ANKRD42: variants seen among roughly 807,000 people sequenced by gnomAD.
The protein encoded by ANKRD42 is ankyrin repeat domain 42, also known as ankyrin repeat domain-containing protein 42.
A neutral mutation model predicts 51.5 loss-of-function variants in ANKRD42; 43 were observed. That is an observed-to-expected ratio of 0.83 (90% CI 0.65 to 1.08). The LOEUF is 1.08. Among genes scored for constraint, ANKRD42 ranks in the 50% least tolerant of loss-of-function variants. ANKRD42 has a pLI of 0.00. For missense variants in ANKRD42, 608 were observed against 629.3 expected, an observed-to-expected ratio of 0.97 and a Z score of 0.36; for synonymous variants, 203 against 213.0, an observed-to-expected ratio of 0.95 and a Z score of 0.41.
intron 5 of ANKRD42, chr11:83,214,475 T>G: frequency 1.0e-6 from 1 of 978,994 alleles, no homozygotes; most frequent in Non-Finnish European, 1.2e-6. Context: ...TCTTTAAACA[T>G]GTATGATTAT....
rs952464006 is a variant in ANKRD42, at chr11:83,237,757, T to A, written c.1019+1248T>A. On this transcript the variant is annotated intron_variant, in intron 8 of 10. Transcript: ENST00000533342. The stretch of plus-strand genomic sequence containing the variant: ...TATAATTGACACACAATAAAATGCA[T>A]ATATTTGTACGGTACAACTGATGAG... Among the ~76,000 whole-genome samples, 19 of 152,334 alleles carry A rather than the reference T, an allele frequency of 1.2e-4. No individual in the cohort carries two copies. The East Asian group carries it at 2.1e-3, about 17-fold the overall frequency.
chr11:83,218,301 T>TAG (rs1565185763), intron 5 of ANKRD42, among the ~76,000 whole-genome samples: 3 of 152,210 alleles, frequency 2.0e-5, no homozygotes, highest in South Asian at 4.1e-4. Context: ...AATGAGGGTC[T>TAG]ACAGTGGGTA....
chr11:83,210,493 C>T (rs1352755393), intron 4 of ANKRD42, 74 bp downstream of exon 4: 10 of 1,539,578 alleles, frequency 6.5e-6, no homozygotes, highest in Non-Finnish European at 8.8e-6. Flanking sequence ...CTAGTTATCT[C>T]TTCCTGACTT....
chr11:83,202,150 A>T (rs1861896800), intron 2 of ANKRD42, among the ~76,000 whole-genome samples: 1 of 152,156 alleles, frequency 6.6e-6, no homozygotes, highest in Non-Finnish European at 1.5e-5. Flanking sequence ...TCTTTAATCC[A>T]TCTTGAATTA....
In ANKRD42 at chr11:83,227,694, G is replaced by A. The variant is rs544836083; in HGVS notation, c.788-53G>A. The A allele has an allele frequency of 1.7e-5, 27 of 1,549,924 alleles. No individual in the cohort carries two copies. In the African/African-American group the frequency reaches 3.3e-4, roughly 19 times the overall value. On this transcript the variant is annotated intron_variant, in intron 6 of 10. Transcript: ENST00000533342. ...TGAAATATATGACAGCTTAAGACAG[G>A]GAAAAGAATAAACTCTTATGTTTAT... is the stretch of plus-strand genomic sequence containing the variant.
chr11:83,263,282 A>T (rs1864039011), downstream of ANKRD42, among the ~76,000 whole-genome samples: 1 of 152,056 alleles, frequency 6.6e-6, no homozygotes, highest in African/African-American at 2.4e-5. Flanking sequence ...GGTGAAGTAT[A>T]CTCTACTTCA....
chr11:83,240,432 T>C (rs1863351994), intron 8 of ANKRD42, among the ~76,000 whole-genome samples: 1 of 152,244 alleles, frequency 6.6e-6, no homozygotes, highest in African/African-American at 2.4e-5. Context: ...AGGGTGGTTC[T>C]GGGCCTTCTA....
At chr11:83,257,147 T>A (rs1420771753), downstream of ANKRD42, 2 of 338,276 alleles carry the variant, frequency 5.9e-6, no homozygotes, top group Non-Finnish European at 1.2e-5. Flanking sequence ...TGAACTGGTT[T>A]CAGCAATCAA....
intron 7 of ANKRD42, 111 bp downstream of exon 7, chr11:83,227,983 C>A: frequency 1.6e-6 from 2 of 1,260,646 alleles, no homozygotes; most frequent in East Asian, 2.4e-5. Flanking sequence ...TTTCTGATAC[C>A]CTAGCAGATA....
chr11:83,251,678 TGAAAA>T (rs1863677719), downstream of ANKRD42, among the ~76,000 whole-genome samples: 1 of 152,198 alleles, frequency 6.6e-6, no homozygotes, highest in South Asian at 2.1e-4. Context: ...AATTTTTCTT[TGAAAA>T]CTTTTGATGA....
At chr11:83,234,501 T>C (rs928822310) in intron 7 of ANKRD42, among the ~76,000 whole-genome samples, 1 of 152,206 alleles carries the variant, frequency 6.6e-6, no homozygotes, top group East Asian at 1.9e-4. Context: ...TTGGTCAAAT[T>C]AGTCACATAT....
Position 83,202,505 on chromosome 11 carries a change from A to G in ANKRD42, c.223-3553A>G, listed in dbSNP as rs907722213. ...TTTGGTTCCATATGAAATTTAAAGTAGTTCTTTCTAATTCTGTGAAGAAAG... is the reference window on the plus strand; with the variant it reads ...TTTGGTTCCATATGAAATTTAAAGTGGTTCTTTCTAATTCTGTGAAGAAAG... On this transcript the variant is annotated intron_variant, in intron 2 of 10. Transcript: ENST00000533342. 2.0e-5 allele frequency among the ~76,000 whole-genome samples: 3 copies of G among 152,230 alleles called. No individual in the cohort carries two copies. The South Asian group carries it at 6.2e-4, about 31-fold the overall frequency.
At position 83,193,728 on chromosome 11, in the gene ANKRD42, A is replaced by G. The variant is rs1003834661; in HGVS notation, c.-943A>G. The G allele has an allele frequency of 2.5e-6, 1 of 402,504 alleles. No homozygotes were observed. Among genetic ancestry groups the G allele is most frequent in the African/African-American group, 2.1e-5 (1 of 47,486 alleles). 24.9% of individuals were successfully genotyped at this position (402,504 alleles called of 1,614,324 possible). On this transcript the variant is annotated 5_prime_UTR_variant, in exon 1 of 11. Transcript: ENST00000533342. ...CGGAAGTGTACTCGTTTCCAAGGCGACGGCCCTGCTGCCTCTCCAGCCAAG... is the reference window on the plus strand; with the variant it reads ...CGGAAGTGTACTCGTTTCCAAGGCGGCGGCCCTGCTGCCTCTCCAGCCAAG...
intron 2 of ANKRD42, 41 bp from the exon 3 acceptor site, chr11:83,206,017 A>AAC: frequency 6.5e-7 from 1 of 1,528,566 alleles, no homozygotes; most frequent in Non-Finnish European, 9.0e-7. Context: ...AAATGTTAAA[A>AAC]ACATCCACTT....
chr11:83,196,152 C>T (rs1319744340), intron 1 of ANKRD42, among the ~76,000 whole-genome samples: 2 of 152,118 alleles, frequency 1.3e-5, no homozygotes, highest in Non-Finnish European at 2.9e-5. Context: ...AATCAACCTA[C>T]TCTTTAGTCT....
intron 5 of ANKRD42, among the ~76,000 whole-genome samples, chr11:83,222,328 A>G (rs1380400723): frequency 6.6e-6 from 1 of 152,216 alleles, no homozygotes; most frequent in African/African-American, 2.4e-5. Context: ...ACTATGTGTT[A>G]GTTATTTGGG....
At chr11:83,204,667 A>G (rs1862000868) in intron 2 of ANKRD42, among the ~76,000 whole-genome samples, 1 of 152,212 alleles carries the variant, frequency 6.6e-6, no homozygotes, top group Admixed American at 6.5e-5. Context: ...AGCTTGAGCC[A>G]TACTTGGTAC....
chr11:83,216,482 G>C (rs988086917), intron 5 of ANKRD42, among the ~76,000 whole-genome samples: 1 of 151,936 alleles, frequency 6.6e-6, no homozygotes, highest in African/African-American at 2.4e-5. Flanking sequence ...CCGCCACCTC[G>C]CCCGGCTAAT....
At chr11:83,253,373 T>C (rs111540298), downstream of ANKRD42, among the ~76,000 whole-genome samples, 1,048 of 152,352 alleles carry the variant, frequency 6.9e-3, 8 homozygotes, top group Non-Finnish European at 0.011. Flanking sequence ...TCTTATAGTT[T>C]CATATGCTGT....
Sources: allele counts gnomAD v4.1 joint callset (sites outside exome capture counted in the v4.1 genomes callset), GRCh38; gene constraint gnomAD v4.1.1; transcripts MANE v1.5; gene names NCBI Gene and HGNC (gene_info 2026-07-23, HGNC 2026-07-21).